TULP4: variants seen among roughly 807,000 people sequenced by gnomAD.
The protein encoded by TULP4 is tubby-related protein 4.
In TULP4, 16 loss-of-function variants were observed where a neutral mutation model predicts 129.0. The observed-to-expected ratio is 0.12, with a 90% CI of 0.08 to 0.19. TULP4 has a LOEUF of 0.19. Among genes scored for constraint, TULP4 ranks in the 10% least tolerant of loss-of-function variants. The probability of loss-of-function intolerance (pLI) is 1.00; values close to 1 mark genes in which losing one functional copy is unlikely to be tolerated. For synonymous variants in TULP4, 998 were observed against 854.0 expected (o/e 1.17, Z -2.94); for missense variants, 1,842 against 2,059.1 (o/e 0.89, Z 2.04).
intron 1 of TULP4, among the ~76,000 whole-genome samples, chr6:158,261,177 A>G (rs1030904136): frequency 6.6e-6 from 1 of 152,148 alleles, no homozygotes; most frequent in Non-Finnish European, 1.5e-5. Flanking sequence ...GATAAAAACC[A>G]TCTATATTGT....
At chr6:158,299,223 G>A (rs191497900) in intron 1 of TULP4, among the ~76,000 whole-genome samples, 438 of 152,172 alleles carry the variant, frequency 2.9e-3, no homozygotes, top group African/African-American at 1.0e-2. Context: ...GATGATCCTC[G>A]TCATCCCAAT....
intron 1 of TULP4, among the ~76,000 whole-genome samples, chr6:158,369,258 C>G (rs1464697772): frequency 6.6e-6 from 1 of 152,016 alleles, no homozygotes; most frequent in Non-Finnish European, 1.5e-5. Context: ...CTTTGGGAGG[C>G]CAGACTGGGA....
chr6:158,308,896 A>C (rs1255303311), upstream of TULP4, among the ~76,000 whole-genome samples: 3 of 101,120 alleles, frequency 3.0e-5, no homozygotes, highest in Non-Finnish European at 4.0e-5. Context: ...TGACCCCCCC[A>C]CCTCCCTCCC....
At chr6:158,464,418 C>G (rs1779509812) in intron 6 of TULP4, among the ~76,000 whole-genome samples, 1 of 152,166 alleles carries the variant, frequency 6.6e-6, no homozygotes. Context: ...GGCTTGAAGT[C>G]AGGAGAAACA....
At chr6:158,450,547 T>TA in intron 4 of TULP4, among the ~76,000 whole-genome samples, 1 of 152,298 alleles carries the variant, frequency 6.6e-6, no homozygotes, top group East Asian at 1.9e-4. Context: ...GGGGGCTTTT[T>TA]ATGGGTATTC....
Position 158,509,621 on chromosome 6 carries a change from C to G in TULP4, c.*2927C>G, listed in dbSNP as rs1780686111. On this transcript the variant is annotated 3_prime_UTR_variant, in exon 14 of 14. Transcript: ENST00000367097. ...AAATAATTAACTAAGCTTCTAAATGCCTAGCTCCCTCCCCCAAAGGCGCTT... is the reference window on the plus strand; with the variant it reads ...AAATAATTAACTAAGCTTCTAAATGGCTAGCTCCCTCCCCCAAAGGCGCTT... 6.6e-6 allele frequency: 1 copy of G among 152,108 alleles called. No homozygotes were observed. The highest frequency in any genetic ancestry group is 1.5e-5 in the Non-Finnish European group (1 of 68,026). The allele number at this position is 152,108 out of a possible 1,614,324, so 9.4% of individuals were successfully genotyped here.
chr6:158,419,482 T>C (rs1001660160), intron 2 of TULP4, among the ~76,000 whole-genome samples: 2 of 152,172 alleles, frequency 1.3e-5, no homozygotes, highest in African/African-American at 2.4e-5. Context: ...GGAACAAATA[T>C]AATGCTAATT....
intron 6 of TULP4, among the ~76,000 whole-genome samples, chr6:158,463,136 G>A (rs1345815004): frequency 6.6e-6 from 1 of 152,126 alleles, no homozygotes; most frequent in African/African-American, 2.4e-5. Flanking sequence ...CAGATCTGTG[G>A]TGGCTTATTC....
chr6:158,246,526 C>G (rs1778034656), intron 1 of TULP4, among the ~76,000 whole-genome samples: 1 of 151,866 alleles, frequency 6.6e-6, no homozygotes, highest in African/African-American at 2.4e-5. Flanking sequence ...ATTATTTGCT[C>G]AGAAACATTA....
intron 1 of TULP4, among the ~76,000 whole-genome samples, chr6:158,317,112 C>T (rs1248243638): frequency 6.6e-6 from 1 of 152,200 alleles, no homozygotes; most frequent in Non-Finnish European, 1.5e-5. Flanking sequence ...TTCCAATTCA[C>T]AGACAGTAGT....
At chr6:158,276,356 G>A (rs796662955) in intron 1 of TULP4, among the ~76,000 whole-genome samples, 3 of 148,022 alleles carry the variant, frequency 2.0e-5, no homozygotes, top group African/African-American at 7.5e-5. Flanking sequence ...CCAAGCTGGA[G>A]TGCAGTGGCA....
intron 1 of TULP4, among the ~76,000 whole-genome samples, chr6:158,286,662 G>A (rs952307088): frequency 3.3e-5 from 5 of 152,142 alleles, no homozygotes; most frequent in Non-Finnish European, 5.9e-5. Context: ...GATATTTTTA[G>A]CTACTTGGAA....
intron 9 of TULP4, 45 bp downstream of exon 9, chr6:158,489,777 A>G (rs1341271331): frequency 6.2e-7 from 1 of 1,610,586 alleles, no homozygotes; most frequent in East Asian, 2.2e-5. Flanking sequence ...GTGCCTCTGA[A>G]TATGTGTGTT....
rs1779420321 is a variant in TULP4 at position 158,313,818 on chromosome 6, T to C, written c.-199T>C. On this transcript the variant is annotated 5_prime_UTR_variant, in exon 1 of 14. Coordinates refer to ENST00000367097, the MANE Select transcript of TULP4 (RefSeq NM_020245.5). The stretch of plus-strand genomic sequence containing the variant: ...CTTAGAAGACTGCCATCATCTTTTA[T>C]AGAGGAATTTTTTCACTATGCATTC... The C allele has an allele frequency of 6.8e-6, 4 of 589,924 alleles. No homozygotes were observed. The highest frequency in any genetic ancestry group is 1.2e-5 in the Non-Finnish European group (4 of 345,362). The allele number at this position is 589,924 out of a possible 1,614,324, so 36.5% of individuals were successfully genotyped here.
chr6:158,449,655 C>T (rs1779125554), intron 4 of TULP4, among the ~76,000 whole-genome samples: 1 of 152,168 alleles, frequency 6.6e-6, no homozygotes, highest in Non-Finnish European at 1.5e-5. Flanking sequence ...GCAGATAACT[C>T]TACATTTCTG....
chr6:158,282,650 T>TGGTA (rs1302877451), intron 1 of TULP4, among the ~76,000 whole-genome samples: 1 of 151,662 alleles, frequency 6.6e-6, no homozygotes, highest in East Asian at 1.9e-4. Context: ...CTATAGGGCA[T>TGGTA]GGTAGTAGTC....
chr6:158,332,169 C>CAAAAA (rs1169601263), intron 1 of TULP4, among the ~76,000 whole-genome samples: 9 of 65,288 alleles, frequency 1.4e-4, no homozygotes, highest in African/African-American at 5.2e-4. Context: ...AAGACTCTGT[C>CAAAAA]AAAAAAAAAA....
intron 1 of TULP4, among the ~76,000 whole-genome samples, chr6:158,382,240 T>C (rs1197230446): frequency 6.6e-6 from 1 of 152,200 alleles, no homozygotes. Context: ...AAAACTGATC[T>C]GTGTCTGTAT....
At chr6:158,236,058 T>G (rs941306834) in intron 1 of TULP4, among the ~76,000 whole-genome samples, 2 of 152,220 alleles carry the variant, frequency 1.3e-5, no homozygotes, top group Middle Eastern at 3.2e-3. Flanking sequence ...TTGTTTTTAT[T>G]TCCCAGCTAA....
Sources: gnomAD v4.1 joint callset for allele counts (sites outside exome capture counted in the v4.1 genomes callset) on GRCh38, gnomAD v4.1.1 for gene constraint, MANE v1.5 for transcripts, NCBI Gene and HGNC (gene_info 2026-07-23, HGNC 2026-07-21) for gene names.